IPCEF1: variants seen among roughly 807,000 people sequenced by gnomAD.
IPCEF1 encodes the protein interactor protein for cytohesin exchange factors 1.
A neutral mutation model predicts 50.9 loss-of-function variants in IPCEF1; 31 were observed. That is an observed-to-expected ratio of 0.61 (90% CI 0.46 to 0.82). The LOEUF is 0.82. IPCEF1 is among the 40% of genes least tolerant of loss of function. IPCEF1 has a pLI of 0.00. For missense variants in IPCEF1, 458 were observed against 514.0 expected (o/e 0.89, Z 1.05); for synonymous variants, 181 against 192.0 (o/e 0.94, Z 0.47).
chr6:154,347,238 G>A (rs963568503), intron 1 of IPCEF1, among the ~76,000 whole-genome samples: 9 of 152,182 alleles, frequency 5.9e-5, no homozygotes, highest in Non-Finnish European at 1.5e-5. Flanking sequence ...TTATATTATA[G>A]TATATTCCCT....
chr6:154,353,088 G>A (rs1205798480), intron 1 of IPCEF1, among the ~76,000 whole-genome samples: 2 of 152,072 alleles, frequency 1.3e-5, no homozygotes, highest in African/African-American at 4.8e-5. Flanking sequence ...TCACTTCAGA[G>A]TTGACACATG....
intron 2 of IPCEF1, among the ~76,000 whole-genome samples, chr6:154,268,301 T>C (rs888403530): frequency 2.6e-5 from 4 of 152,232 alleles, no homozygotes; most frequent in Non-Finnish European, 5.9e-5. Flanking sequence ...AGGTCCTGTC[T>C]GCTCTTTGGA....
At chr6:154,283,571 C>G (rs1360429293) in intron 2 of IPCEF1, among the ~76,000 whole-genome samples, 1 of 151,946 alleles carries the variant, frequency 6.6e-6, no homozygotes, top group Non-Finnish European at 1.5e-5. Context: ...GCACTCCAGC[C>G]TGGGTGACAG....
intron 1 of IPCEF1, among the ~76,000 whole-genome samples, chr6:154,350,824 G>A (rs1374289692): frequency 6.6e-6 from 1 of 152,172 alleles, no homozygotes; most frequent in Non-Finnish European, 1.5e-5. Flanking sequence ...ATGCTCAAGA[G>A]ATCCTTCTGC....
chr6:154,316,408 C>G (rs1583981508), intron 1 of IPCEF1, among the ~76,000 whole-genome samples: 1 of 152,176 alleles, frequency 6.6e-6, no homozygotes, highest in South Asian at 2.1e-4. Context: ...TGAGTTATGC[C>G]TAGATACACA....
intron 9 of IPCEF1, among the ~76,000 whole-genome samples, chr6:154,205,317 A>G (rs1286949020): frequency 6.6e-6 from 1 of 152,166 alleles, no homozygotes; most frequent in Non-Finnish European, 1.5e-5. Flanking sequence ...AACATTGGCT[A>G]GATGTGGAGG....
At chr6:154,324,103 T>C (rs1049473736) in intron 1 of IPCEF1, among the ~76,000 whole-genome samples, 2 of 152,236 alleles carry the variant, frequency 1.3e-5, no homozygotes, top group Non-Finnish European at 2.9e-5. Flanking sequence ...CAAAGTTAAT[T>C]TTTTAAAATA....
At chr6:154,337,534 T>C (rs74513203) in intron 1 of IPCEF1, among the ~76,000 whole-genome samples, 3,222 of 152,272 alleles carry the variant, frequency 0.021, 60 homozygotes, top group Non-Finnish European at 0.032. Context: ...AAGACACAAG[T>C]TACAGGGTAG....
At chr6:154,210,949 TAATCAATA>T (rs1777909559) in intron 9 of IPCEF1, among the ~76,000 whole-genome samples, 1 of 152,196 alleles carries the variant, frequency 6.6e-6, no homozygotes, top group Non-Finnish European at 1.5e-5. Flanking sequence ...ATTATTTAAA[TAATCAATA>T]TAATACCTTA....
chr6:154,205,732 A>G (rs1205055566), intron 9 of IPCEF1, among the ~76,000 whole-genome samples: 1 of 152,242 alleles, frequency 6.6e-6, no homozygotes, highest in East Asian at 1.9e-4. Context: ...GAGGACAATG[A>G]ATAAACTGCA....
intron 11 of IPCEF1, among the ~76,000 whole-genome samples, chr6:154,165,603 G>A (rs1799362868): frequency 6.6e-6 from 1 of 152,216 alleles, no homozygotes; most frequent in Non-Finnish European, 1.5e-5. Context: ...CAAATGTCCA[G>A]AAAGAGCAGT....
At chr6:154,284,005 A>C (rs916616142) in intron 2 of IPCEF1, among the ~76,000 whole-genome samples, 4 of 152,214 alleles carry the variant, frequency 2.6e-5, no homozygotes, top group African/African-American at 9.7e-5. Context: ...ATGAGCATAT[A>C]ATTAAAAAAA....
chr6:154,269,389 A>G (rs1460025670), intron 2 of IPCEF1, among the ~76,000 whole-genome samples: 1 of 152,190 alleles, frequency 6.6e-6, no homozygotes, highest in Admixed American at 6.5e-5. Context: ...GATGGGAGAC[A>G]GCTAGGGATT....
At chr6:154,246,355 G>A (rs1370183597) in intron 5 of IPCEF1, among the ~76,000 whole-genome samples, 1 of 152,102 alleles carries the variant, frequency 6.6e-6, no homozygotes, top group Non-Finnish European at 1.5e-5. Flanking sequence ...TGTAAATGTC[G>A]ACACTCCCTT....
chr6:154,230,066 G>A (rs1293182060), intron 5 of IPCEF1, among the ~76,000 whole-genome samples: 4 of 152,064 alleles, frequency 2.6e-5, no homozygotes, highest in African/African-American at 9.7e-5. Flanking sequence ...TTGGGGGTGG[G>A]AACTGACTGT....
intron 10 of IPCEF1, among the ~76,000 whole-genome samples, chr6:154,169,841 C>A (rs1655913594): frequency 6.6e-6 from 1 of 152,192 alleles, no homozygotes; most frequent in South Asian, 2.1e-4. Context: ...CCATTTGGGG[C>A]CAAGGAGACT....
intron 10 of IPCEF1, among the ~76,000 whole-genome samples, chr6:154,192,689 C>CA (rs905887187): frequency 7.2e-5 from 11 of 151,780 alleles, no homozygotes; most frequent in Non-Finnish European, 1.3e-4. Flanking sequence ...TTAATCCTAT[C>CA]AAAAAATGGG....
chr6:154,345,675 G>A (rs550552852), intron 1 of IPCEF1, among the ~76,000 whole-genome samples: 2 of 152,212 alleles, frequency 1.3e-5, no homozygotes, highest in South Asian at 2.1e-4. Flanking sequence ...ATTCTTCACA[G>A]TATTTAATAA....
chr6:154,202,922 G>A (rs1472386813), intron 9 of IPCEF1, among the ~76,000 whole-genome samples: 1 of 152,148 alleles, frequency 6.6e-6, no homozygotes, highest in Non-Finnish European at 1.5e-5. Context: ...ATGAGAAAGT[G>A]ACTACATATT....
Sources: allele counts gnomAD v4.1 joint callset (sites outside exome capture counted in the v4.1 genomes callset), GRCh38; gene constraint gnomAD v4.1.1; transcripts MANE v1.5; gene names NCBI Gene and HGNC (gene_info 2026-07-23, HGNC 2026-07-21).